The following TUB variants were observed in gnomAD, a reference collection of about 807,000 sequenced individuals.
The protein encoded by TUB is TUB bipartite transcription factor.
A neutral mutation model predicts 59.7 loss-of-function variants in TUB; 33 were observed. That is an observed-to-expected ratio of 0.55 (90% CI 0.42 to 0.74). The LOEUF (loss-of-function observed/expected upper bound fraction) is 0.74, where lower values mean the gene tolerates loss of function less well. Ranked by LOEUF, TUB falls within the 30% of genes least tolerant of loss-of-function variation. The pLI is 0.00. For synonymous variants in TUB, 293 were observed against 256.4 expected, an observed-to-expected ratio of 1.14 and a Z score of -1.36; for missense variants, 659 against 672.0, an observed-to-expected ratio of 0.98 and a Z score of 0.21.
At chr11:8,051,029 G>A (rs534734604) in intron 2 of TUB, among the ~76,000 whole-genome samples, 19 of 152,314 alleles carry the variant, frequency 1.2e-4, no homozygotes, top group African/African-American at 3.4e-4. Context: ...ACTGGGAACC[G>A]TCAGGAGGGG....
chr11:8,066,146 T>C (rs563218973), intron 2 of TUB, among the ~76,000 whole-genome samples: 1 of 152,246 alleles, frequency 6.6e-6, no homozygotes, highest in African/African-American at 2.4e-5. Flanking sequence ...CCAAGGGTAC[T>C]GCCAGGGGAA....
In TUB at chr11:8,095,677, G is replaced by A. The variant is rs761336122; in HGVS notation, c.565+12G>A. On this transcript the variant is annotated intron_variant, in intron 5 of 11. Transcript: ENST00000299506. Reference sequence around the variant, plus strand: ...GATGCAGAGGAAGGGTGAGCCCCATGGGGACCCAGTGATACCCCCAAAACT... The same window carrying A: ...GATGCAGAGGAAGGGTGAGCCCCATAGGGACCCAGTGATACCCCCAAAACT... The A allele has an allele frequency of 2.5e-5, 40 of 1,582,166 alleles. No individual in the cohort carries two copies. Among genetic ancestry groups the A allele is most frequent in the Non-Finnish European group, 3.0e-5 (35 of 1,164,020 alleles).
rs755885399 is a variant in TUB, at chr11:8,104,158, A to G, written c.*2539A>G. ...CCACCTGGGTTCAGCCTCTCCCACAATAAGAGTTCTTGCCCTTCATACCCT... is the reference window on the plus strand; with the variant it reads ...CCACCTGGGTTCAGCCTCTCCCACAGTAAGAGTTCTTGCCCTTCATACCCT... On this transcript the variant is annotated 3_prime_UTR_variant, in exon 12 of 12. Coordinates refer to ENST00000299506, the MANE Select transcript of TUB (RefSeq NM_177972.3). 4 of 152,310 alleles carry G rather than the reference A, an allele frequency of 2.6e-5. No homozygotes were observed. Among genetic ancestry groups the G allele is most frequent in the Non-Finnish European group, 5.9e-5 (4 of 68,108 alleles). The allele number at this position is 152,310 out of a possible 1,614,324, so 9.4% of individuals were successfully genotyped here. A position where few individuals can be genotyped will look rare whatever the true frequency, so the allele number is the denominator to read the frequency against.
At chr11:8,071,765 G>T (rs952307328) in intron 2 of TUB, among the ~76,000 whole-genome samples, 2 of 152,242 alleles carry the variant, frequency 1.3e-5, no homozygotes, top group Admixed American at 1.3e-4. Flanking sequence ...GGGCCAGGAG[G>T]CTGGGGCCAA....
chr11:8,039,103 C>A (rs1942697629), intron 1 of TUB: 1 of 1,554,180 alleles, frequency 6.4e-7, no homozygotes, highest in Non-Finnish European at 8.7e-7. Context: ...CCCTCACTGA[C>A]CTCAACCCTT....
intron 3 of TUB, 41 bp from the exon 4 acceptor site, chr11:8,094,005 G>A (rs1174549483): frequency 1.2e-6 from 2 of 1,613,676 alleles, no homozygotes; most frequent in South Asian, 2.2e-5. Flanking sequence ...CTCACCCACT[G>A]CCTGTTTCTC....
At chr11:8,092,595 CCT>C (rs1177403095) in intron 3 of TUB, among the ~76,000 whole-genome samples, 1 of 152,100 alleles carries the variant, frequency 6.6e-6, no homozygotes, top group Non-Finnish European at 1.5e-5. Context: ...ATTGCTATTC[CCT>C]GACATTCCAG....
chr11:8,069,628 T>C (rs1047753810), intron 2 of TUB, among the ~76,000 whole-genome samples: 8 of 152,236 alleles, frequency 5.3e-5, no homozygotes, highest in Non-Finnish European at 1.0e-4. Flanking sequence ...GGATTGGCGC[T>C]CCTCTCATTA....
At chr11:8,041,921 T>G (rs769861560) in intron 2 of TUB, among the ~76,000 whole-genome samples, 1 of 152,200 alleles carries the variant, frequency 6.6e-6, no homozygotes, top group Non-Finnish European at 1.5e-5. Context: ...CCAGCAGTCC[T>G]GTGACCTGGG....
chr11:8,019,323 C>T (rs1443044594), exon 1 of TUB: 3 of 1,282,824 alleles, frequency 2.3e-6, no homozygotes, highest in Admixed American at 7.5e-5. Context: ...TCAGCAGCCA[C>T]CGGACCCTGT....
At chr11:8,082,091 C>T (rs934351817) in intron 1 of TUB, among the ~76,000 whole-genome samples, 2 of 152,222 alleles carry the variant, frequency 1.3e-5, no homozygotes, top group African/African-American at 4.8e-5. Flanking sequence ...AAGACACATG[C>T]CTGCATATCT....
Position 8,098,870 on chromosome 11 carries a change from T to A in TUB, c.1111T>A (p.Cys371Ser), listed in dbSNP as rs757598905. 3.1e-6 allele frequency: 5 copies of A among 1,612,578 alleles called. No homozygotes were observed. The South Asian group carries it at 5.5e-5, about 18-fold the overall frequency. Residue 371 changes from cysteine to serine, a missense_variant, in exon 9 of 12, where the codon TGC (cysteine) becomes AGC (serine). Cys to Ser is a moderately radical substitution (Grantham distance 112, BLOSUM62 -1). Around this residue, in one of 3 missense-constraint regions of TUB, gnomAD observed 226 missense variants for 210.8 expected, o/e 1.07. Transcript: ENST00000299506. ...CTTACGTCAGGAGCTGGCAGCTGTG[T>A]GCTACGTGAGTCCTAGGTTCGGGGG... ...GTLRQELAAV[C>S]YETNVLGFKG...
intron 3 of TUB, among the ~76,000 whole-genome samples, chr11:8,091,518 AG>A (rs1217655604): frequency 2.0e-5 from 3 of 152,204 alleles, no homozygotes; most frequent in Non-Finnish European, 4.4e-5. Context: ...ACCTGCTCAT[AG>A]TACTCTGCTA....
chr11:8,019,435 G>A, intron 1 of TUB: 4 of 1,216,692 alleles, frequency 3.3e-6, no homozygotes, highest in Non-Finnish European at 4.1e-6. Context: ...GGCCTCCGGG[G>A]GCTAGGACTG....
chr11:8,057,654 G>A lies in TUB; in HGVS notation c.203+17962G>A, dbSNP rs559357027. Among the ~76,000 whole-genome samples the A allele has an allele frequency of 3.9e-5, 6 of 152,144 alleles. No individual in the cohort carries two copies. The South Asian group carries it at 6.2e-4, about 16-fold the overall frequency. On this transcript the variant is annotated intron_variant, in intron 2 of 12. Transcript: ENST00000305253. ...CTTATCTTGTCCCCTGCGAAGTCAC[G>A]GAGGTTTGGGGAGTTCCTTCAGCCC...
At chr11:8,052,764 T>C (rs1305402246) in intron 2 of TUB, among the ~76,000 whole-genome samples, 3 of 152,190 alleles carry the variant, frequency 2.0e-5, no homozygotes, top group Non-Finnish European at 4.4e-5. Context: ...CGTGAGCCAC[T>C]GTGCCCGGCC....
intron 2 of TUB, among the ~76,000 whole-genome samples, chr11:8,051,160 G>T (rs1394904393): frequency 6.6e-6 from 1 of 152,098 alleles, no homozygotes; most frequent in Non-Finnish European, 1.5e-5. Flanking sequence ...ATTCTTAGGT[G>T]CTACTTTGAA....
At position 8,095,636 on chromosome 11, in the gene TUB, AG is replaced by A. The variant is rs1420468542; in HGVS notation, c.538del (p.Asp180IlefsTer15). 4.4e-6 allele frequency: 7 copies of A among 1,607,886 alleles called. No homozygotes were observed. The South Asian group carries it at 7.8e-5, about 18-fold the overall frequency. On this transcript the variant is annotated frameshift_variant, in exon 5 of 12. Transcript: ENST00000299506. LOFTEE classifies it high-confidence loss of function. ...AAGGGERPSG[Q>X]DLRATMQRKG... ...GGTGGGGGCGAACGGCCCAGCGGGC[AG>A]GATCTCCGTGCCACGATGCAGAGGA...
chr11:8,103,690 G>C lies in TUB; in HGVS notation c.*2071G>C, dbSNP rs1944400124. 1 of 152,596 alleles carries C rather than the reference G, an allele frequency of 6.6e-6. No homozygotes were observed. Among genetic ancestry groups the C allele is most frequent in the Admixed American group, 6.5e-5 (1 of 15,272 alleles). The allele number at this position is 152,596 out of a possible 1,614,324, so 9.5% of individuals were successfully genotyped here. Reference sequence around the variant, plus strand: ...TGCCATCCTCCTTTCTATAGTTCCAGTTTAGCCCTTCCCTGCCTTTAAGGA... The same window carrying C: ...TGCCATCCTCCTTTCTATAGTTCCACTTTAGCCCTTCCCTGCCTTTAAGGA... On this transcript the variant is annotated 3_prime_UTR_variant, in exon 12 of 12. Coordinates refer to ENST00000299506, the MANE Select transcript of TUB (RefSeq NM_177972.3).
Sources: gnomAD v4.1 joint callset for allele counts (sites outside exome capture counted in the v4.1 genomes callset) on GRCh38, gnomAD v4.1.1 for gene constraint, gnomAD v4.1.1 regional missense constraint, MANE v1.5 for transcripts, NCBI Gene and HGNC (gene_info 2026-07-23, HGNC 2026-07-21) for gene names.